The following SGMS1 variants were observed in gnomAD, a reference collection of about 807,000 sequenced individuals.
SGMS1 encodes the protein phosphatidylcholine:ceramide cholinephosphotransferase 1.
In SGMS1, 13 loss-of-function variants were observed where a neutral mutation model predicts 46.2. The ratio of observed to expected loss-of-function variants is 0.28; its 90% CI spans 0.18 to 0.45. The LOEUF (loss-of-function observed/expected upper bound fraction) is 0.45. Ranked by LOEUF, SGMS1 falls within the 20% of genes least tolerant of loss-of-function variation. The probability of loss-of-function intolerance (pLI) is 1.00; values close to 1 mark genes in which losing one functional copy is unlikely to be tolerated. For synonymous variants in SGMS1, 203 were observed against 187.8 expected, an observed-to-expected ratio of 1.08 and a Z score of -0.66; for missense variants, 324 against 519.9, an observed-to-expected ratio of 0.62 and a Z score of 3.66.
intron 2 of SGMS1, among the ~76,000 whole-genome samples, chr10:50,540,334 TA>T (rs368345888): frequency 6.0e-5 from 9 of 149,874 alleles, no homozygotes; most frequent in South Asian, 2.1e-4. Context: ...GTCTGGCAGG[TA>T]AAAAAAAATG....
At chr10:50,516,355 A>G (rs1199870854) in intron 3 of SGMS1, among the ~76,000 whole-genome samples, 1 of 152,196 alleles carries the variant, frequency 6.6e-6, no homozygotes, top group Non-Finnish European at 1.5e-5. Context: ...AACAGCAAAC[A>G]TCAATTTTCT....
At chr10:50,442,146 G>C (rs1849553879) in intron 5 of SGMS1, among the ~76,000 whole-genome samples, 1 of 151,610 alleles carries the variant, frequency 6.6e-6, no homozygotes, top group Admixed American at 6.6e-5. Context: ...CAAAACAAAA[G>C]GGCGTTCATT....
At chr10:50,393,895 C>T (rs906617743) in intron 6 of SGMS1, among the ~76,000 whole-genome samples, 6 of 152,182 alleles carry the variant, frequency 3.9e-5, no homozygotes, top group Non-Finnish European at 8.8e-5. Flanking sequence ...ATTCTTCGAT[C>T]GTGCAAGTCC....
chr10:50,514,648 T>C (rs1837786672), intron 3 of SGMS1, among the ~76,000 whole-genome samples: 1 of 152,198 alleles, frequency 6.6e-6, no homozygotes, highest in Non-Finnish European at 1.5e-5. Flanking sequence ...CACAATATGC[T>C]AGATATCATA....
chr10:50,490,254 CT>C (rs1837556262), intron 3 of SGMS1, among the ~76,000 whole-genome samples: 1 of 152,058 alleles, frequency 6.6e-6, no homozygotes, highest in African/African-American at 2.4e-5. Context: ...TCCTAATATT[CT>C]AAATTATGAG....
At chr10:50,416,900 A>G (rs1391428122) in intron 6 of SGMS1, among the ~76,000 whole-genome samples, 1 of 149,350 alleles carries the variant, frequency 6.7e-6, no homozygotes, top group African/African-American at 2.4e-5. Flanking sequence ...AAAAAAAGCC[A>G]GCTGCAAAGA....
At chr10:50,320,623 T>A (rs1334381887) in intron 8 of SGMS1, among the ~76,000 whole-genome samples, 2 of 152,166 alleles carry the variant, frequency 1.3e-5, no homozygotes, top group African/African-American at 4.8e-5. Flanking sequence ...CCCTTTAAAA[T>A]CTTCCCACAA....
intron 3 of SGMS1, among the ~76,000 whole-genome samples, chr10:50,509,098 A>G (rs1372659749): frequency 6.6e-6 from 1 of 152,224 alleles, no homozygotes; most frequent in African/African-American, 2.4e-5. Context: ...TTAAATAAAC[A>G]AGAAATTTCC....
intron 3 of SGMS1, among the ~76,000 whole-genome samples, chr10:50,510,992 G>A (rs1367642775): frequency 6.6e-6 from 1 of 152,044 alleles, no homozygotes; most frequent in Non-Finnish European, 1.5e-5. Flanking sequence ...GAAGCACTTT[G>A]GTAAATGATG....
At chr10:50,458,524 T>G (rs1837224703) in intron 5 of SGMS1, among the ~76,000 whole-genome samples, 1 of 148,214 alleles carries the variant, frequency 6.7e-6, no homozygotes. Context: ...ACCGGCTAAT[T>G]TTTTTTTTGT....
chr10:50,447,088 G>A (rs548139222), intron 5 of SGMS1, among the ~76,000 whole-genome samples: 246 of 152,192 alleles, frequency 1.6e-3, no homozygotes, highest in Non-Finnish European at 2.6e-3. Context: ...TCCAACCAAG[G>A]AGAATTAAAA....
chr10:50,607,433 A>G (rs1838708046), intron 1 of SGMS1, among the ~76,000 whole-genome samples: 2 of 152,220 alleles, frequency 1.3e-5, no homozygotes, highest in Non-Finnish European at 2.9e-5. Flanking sequence ...CATTTGTCAC[A>G]TATTACCTCT....
chr10:50,383,397 T>C (rs570130307), intron 6 of SGMS1, among the ~76,000 whole-genome samples: 2 of 152,294 alleles, frequency 1.3e-5, no homozygotes, highest in South Asian at 4.1e-4. Context: ...GGGTTTAAAG[T>C]CTGAAAACAA....
chr10:50,375,642 A>C (rs142401587), intron 6 of SGMS1, among the ~76,000 whole-genome samples: 162 of 152,288 alleles, frequency 1.1e-3, no homozygotes, highest in African/African-American at 3.7e-3. Flanking sequence ...CAGATTGAGA[A>C]GGGCTTGTCC....
chr10:50,583,315 A>C (rs1405146919), intron 2 of SGMS1, among the ~76,000 whole-genome samples: 3 of 152,196 alleles, frequency 2.0e-5, no homozygotes, highest in Non-Finnish European at 4.4e-5. Flanking sequence ...ATTAATAATA[A>C]TCATTATAAT....
intron 7 of SGMS1, among the ~76,000 whole-genome samples, chr10:50,339,095 A>G (rs963790287): frequency 6.6e-6 from 1 of 152,178 alleles, no homozygotes; most frequent in African/African-American, 2.4e-5. Context: ...AGTCTCTGTA[A>G]TGCAGCCACA....
At chr10:50,580,034 A>G (rs183129121) in intron 2 of SGMS1, among the ~76,000 whole-genome samples, 277 of 152,342 alleles carry the variant, frequency 1.8e-3, no homozygotes, top group Non-Finnish European at 2.0e-3. Context: ...TGGTAAGTGC[A>G]TAGAAAAACT....
At chr10:50,594,955 GA>G (rs1838576904) in intron 1 of SGMS1, among the ~76,000 whole-genome samples, 1 of 152,120 alleles carries the variant, frequency 6.6e-6, no homozygotes, top group Admixed American at 6.5e-5. Context: ...TGAGGTACAG[GA>G]AGGAATTCAG....
At chr10:50,472,384 TA>T (rs1438159756) in intron 3 of SGMS1, among the ~76,000 whole-genome samples, 1 of 152,174 alleles carries the variant, frequency 6.6e-6, no homozygotes, top group Non-Finnish European at 1.5e-5. Flanking sequence ...ACCACCATTC[TA>T]CCCTCTACTT....
Sources: allele counts gnomAD v4.1 joint callset (sites outside exome capture counted in the v4.1 genomes callset), GRCh38; gene constraint gnomAD v4.1.1; transcripts MANE v1.5; gene names NCBI Gene and HGNC (gene_info 2026-07-23, HGNC 2026-07-21).